Variants in SIRPB1 observed in about 807,000 individuals in gnomAD.
The protein encoded by SIRPB1 is signal-regulatory protein beta-1.
A neutral mutation model predicts 34.1 loss-of-function variants in SIRPB1; 28 were observed. The ratio of observed to expected loss-of-function variants is 0.82; its 90% CI spans 0.61 to 1.12. SIRPB1 has a LOEUF of 1.12. Among genes scored for constraint, SIRPB1 ranks in the 50% most tolerant of loss-of-function variants. SIRPB1 has a pLI of 0.00. For synonymous variants in SIRPB1, 211 were observed against 203.8 expected (o/e 1.04, Z -0.30); for missense variants, 499 against 507.0 (o/e 0.98, Z 0.15).
intron 1 of SIRPB1, among the ~76,000 whole-genome samples, chr20:1,619,016 G>A (rs1402527886): frequency 6.6e-6 from 1 of 152,142 alleles, no homozygotes; most frequent in African/African-American, 2.4e-5. Flanking sequence ...AATACAACAA[G>A]ACTGATATTC....
At position 1,563,971 on chromosome 20, in the gene SIRPB1, T is replaced by C. The variant is rs1368748730; in HGVS notation, c.*1529A>G. 4 of 152,094 alleles carry C rather than the reference T, an allele frequency of 2.6e-5. No homozygotes were observed. Among genetic ancestry groups the C allele is most frequent in the Non-Finnish European group, 5.9e-5 (4 of 68,014 alleles). 9.4% of individuals were successfully genotyped at this position (152,094 alleles called of 1,614,324 possible). ...ACTATATCACTCCATATTAGAAATA[T>C]ACAAAAAAAGGCAAGCACTCTTCCA... On this transcript the variant is annotated 3_prime_UTR_variant, in exon 6 of 6. Transcript: ENST00000381605.
intron 4 of SIRPB1, among the ~76,000 whole-genome samples, chr20:1,568,068 G>A (rs1253138055): frequency 1.3e-5 from 2 of 152,184 alleles, no homozygotes; most frequent in Admixed American, 6.5e-5. Flanking sequence ...GAGACATTTG[G>A]GTCAAACCAC....
rs2091229286 is a variant in SIRPB1, at chr20:1,571,143, A to G, written c.752-6T>C. The G allele has an allele frequency of 6.2e-7, 1 of 1,611,150 alleles. No individual in the cohort carries two copies. Among genetic ancestry groups the G allele is most frequent in the African/African-American group, 1.3e-5 (1 of 75,004 alleles). On this transcript the variant is annotated splice_polypyrimidine_tract_variant and splice_region_variant and intron_variant, in intron 3 of 5. Transcript: ENST00000381605. ...AACCTCCAAGGTGGGTGGAACTGAA[A>G]CAGCACAGGGCAGAAGCTCTGATCT...
Position 1,580,078 on chromosome 20 carries a change from G to A in SIRPB1, c.77-1384C>T, listed in dbSNP as rs1174424861. ...TTAACTTTAATAACCATTTCACTAC[G>A]TATATGTACATGTATACATATATGA... On this transcript the variant is annotated intron_variant, in intron 1 of 5. Transcript: ENST00000381605. 6.7e-5 allele frequency among the ~76,000 whole-genome samples: 10 copies of A among 148,454 alleles called. 3 individuals carry two copies. Among genetic ancestry groups the A allele is most frequent in the Admixed American group, 2.7e-4 (4 of 15,028 alleles).
chr20:1,602,350 G>T lies in SIRPB1; in HGVS notation c.76+17519C>A, dbSNP rs1254173188. Among the ~76,000 whole-genome samples the T allele has an allele frequency of 8.2e-5, 4 of 48,852 alleles. 1 individual carries two copies. The highest frequency in any genetic ancestry group is 5.4e-4 in the Admixed American group (4 of 7,342). 32.0% of individuals were successfully genotyped at this position (48,852 alleles called of 152,430 possible). On this transcript the variant is annotated intron_variant, in intron 1 of 5. Transcript: ENST00000381605. ...AAATGGACCAAAAACTCTTTGAAAA[G>T]CACAAGTTGCCAGATCTCACCCAAT... is the stretch of plus-strand genomic sequence containing the variant.
At position 1,572,004 on chromosome 20, in the gene SIRPB1, G is replaced by A. The variant is rs373681327; in HGVS notation, c.467C>T (p.Ala156Val). ...TGTGTGCTCAGGTGTGGCCCTCACC[G>A]CAGGGCCCGATACCACGGGGGCAGA... ...KPSAPVVSGP[A>V]VRATPEHTVS... Residue 156 changes from alanine to valine, a missense_variant, in exon 3 of 6, where the codon GCG (alanine) becomes GTG (valine). By Grantham distance (64) the Ala-to-Val change is moderately conservative. Coordinates refer to ENST00000381605, the MANE Select transcript of SIRPB1 (RefSeq NM_006065.5). 2.4e-5 allele frequency: 39 copies of A among 1,613,918 alleles called. No homozygotes were observed. The highest frequency in any genetic ancestry group is 2.0e-4 in the East Asian group (9 of 44,898).
chr20:1,600,438 C>T (rs2091471811), intron 1 of SIRPB1, among the ~76,000 whole-genome samples: 1 of 48,812 alleles, frequency 2.0e-5, no homozygotes, highest in Admixed American at 1.4e-4. Context: ...GGTTGGAGGC[C>T]GGCAGTTCTC....
At chr20:1,582,571 C>T (rs1227064660) in intron 1 of SIRPB1, among the ~76,000 whole-genome samples, 2 of 49,168 alleles carry the variant, frequency 4.1e-5, no homozygotes, top group Admixed American at 1.4e-4. Flanking sequence ...TTATACAACA[C>T]GAGCAAGTGA....
intron 3 of SIRPB1, among the ~76,000 whole-genome samples, chr20:1,571,486 G>A (rs1483567007): frequency 6.6e-6 from 1 of 152,214 alleles, no homozygotes; most frequent in African/African-American, 2.4e-5. Context: ...ACTAATTGTA[G>A]TTGCTCTTGG....
intron 1 of SIRPB1, 58 bp from the exon 2 acceptor site, chr20:1,578,752 T>C (rs577901799): frequency 7.1e-7 from 1 of 1,405,388 alleles, no homozygotes; most frequent in East Asian, 2.2e-5. Flanking sequence ...CTGTGTTTCC[T>C]CAAGTGTTTA....
chr20:1,570,759 A>G, intron 4 of SIRPB1, 46 bp downstream of exon 4: 2 of 1,421,724 alleles, frequency 1.4e-6, no homozygotes, highest in Non-Finnish European at 9.7e-7. Context: ...TATTGCTTTT[A>G]ACATTAAAGA....
rs1829747650 is a variant in SIRPB1, at chr20:1,563,308, A to T, written c.*2192T>A. Among the ~76,000 whole-genome samples the T allele has an allele frequency of 6.6e-6, 1 of 152,190 alleles. No homozygotes were observed. Among genetic ancestry groups the T allele is most frequent in the East Asian group, 1.9e-4 (1 of 5,196 alleles). ...CGGGAGTTCAAGACTAGTCTGATCA[A>T]CATGGAGAAACCCCATCTCTACTAA... On this transcript the variant is annotated 3_prime_UTR_variant, in exon 6 of 6. Transcript: ENST00000381605.
At position 1,600,117 on chromosome 20, in the gene SIRPB1, C is replaced by T. The variant is rs1350194007; in HGVS notation, c.76+19752G>A. On this transcript the variant is annotated intron_variant, in intron 1 of 5. Coordinates refer to ENST00000381605, the MANE Select transcript of SIRPB1 (RefSeq NM_006065.5). ...GAGAGCTGGGGAGGCCCTTGAGGGG[C>T]TGGGCCTAATGTACTGTGGTGGATA... Among the ~76,000 whole-genome samples the T allele has an allele frequency of 4.1e-5, 2 of 49,032 alleles. 1 individual carries two copies. Among genetic ancestry groups the T allele is most frequent in the Non-Finnish European group, 7.9e-5 (2 of 25,338 alleles). The allele number at this position is 49,032 out of a possible 152,430, so 32.2% of individuals were successfully genotyped here. A position where few individuals can be genotyped will look rare whatever the true frequency, so the allele number is the denominator to read the frequency against.
rs981341137 is a variant in SIRPB1, at chr20:1,587,747, G to A, written c.77-9053C>T. Reference sequence around the variant, plus strand: ...ATGGTCTCATAAGAAGAGGAGATGAGGACACAGACACACACACAGAGGGAA... The same window carrying A: ...ATGGTCTCATAAGAAGAGGAGATGAAGACACAGACACACACACAGAGGGAA... On this transcript the variant is annotated intron_variant, in intron 1 of 5. Transcript: ENST00000381605. Among the ~76,000 whole-genome samples, 17 of 48,760 alleles carry A rather than the reference G, an allele frequency of 3.5e-4. 8 individuals are homozygous for A. Among genetic ancestry groups the A allele is most frequent in the Non-Finnish European group, 1.2e-4 (3 of 25,316 alleles). The allele number at this position is 48,760 out of a possible 152,430, so 32.0% of individuals were successfully genotyped here.
At chr20:1,567,312 G>A (rs141907065) in intron 4 of SIRPB1, among the ~76,000 whole-genome samples, 1 of 152,158 alleles carries the variant, frequency 6.6e-6, no homozygotes, top group East Asian at 1.9e-4. Context: ...GGAATATGAA[G>A]GGCCAGCCCT....
At chr20:1,618,174 T>C (rs2091658605) in intron 1 of SIRPB1, among the ~76,000 whole-genome samples, 2 of 152,212 alleles carry the variant, frequency 1.3e-5, no homozygotes. Context: ...ATGTGGCCCA[T>C]AGAAAGCATC....
Position 1,566,156 on chromosome 20 carries a change from C to G in SIRPB1, c.1196G>C (p.Ter399SerextTer12), listed in dbSNP as rs111403092. Residue 399 changes from the stop codon to serine, a stop_lost, in exon 5 of 6, where the codon TGA becomes TCA. Coordinates refer to ENST00000381605, the MANE Select transcript of SIRPB1 (RefSeq NM_006065.5). ...AIYICWKQKA[*>S] Reference sequence around the variant, plus strand: ...GTCCTCCCTCTCCTAAACTTACAGTCAGGCCTTCTGTTTCCAGCAGATGTA... The same window carrying G: ...GTCCTCCCTCTCCTAAACTTACAGTGAGGCCTTCTGTTTCCAGCAGATGTA... 715 of 1,599,194 alleles carry G rather than the reference C, an allele frequency of 4.5e-4. 2 individuals carry two copies. Among genetic ancestry groups the G allele is most frequent in the Middle Eastern group, 4.3e-3 (26 of 6,042 alleles).
At chr20:1,573,040 C>T (rs905355776) in intron 2 of SIRPB1, among the ~76,000 whole-genome samples, 1 of 147,386 alleles carries the variant, frequency 6.8e-6, no homozygotes, top group Non-Finnish European at 1.5e-5. Context: ...TATTGCCATA[C>T]GGGACACTAT....
intron 1 of SIRPB1, among the ~76,000 whole-genome samples, chr20:1,616,318 G>C (rs1021400553): frequency 5.3e-5 from 8 of 152,104 alleles, no homozygotes; most frequent in African/African-American, 9.7e-5. Context: ...CTTGACTACC[G>C]TGCCATAGTA....
Sources: allele counts gnomAD v4.1 joint callset (sites outside exome capture counted in the v4.1 genomes callset), GRCh38; gene constraint gnomAD v4.1.1; transcripts MANE v1.5; gene names NCBI Gene and HGNC (gene_info 2026-07-23, HGNC 2026-07-21).